Variants in DPYD observed in about 807,000 individuals in gnomAD.
DPYD encodes the protein dihydropyrimidine dehydrogenase.
Under a neutral mutation model 116.2 loss-of-function variants are expected in DPYD, and 109 were observed. The observed-to-expected ratio is 0.94, with a 90% CI of 0.80 to 1.10. DPYD has a LOEUF of 1.10. Ranked by LOEUF, DPYD falls within the 50% of genes least tolerant of loss-of-function variation. The pLI, the probability that DPYD is intolerant of heterozygous loss-of-function variation, is 0.00. For synonymous variants in DPYD, 440 were observed against 432.0 expected (o/e 1.02, Z -0.23); for missense variants, 1,302 against 1,254.5 (o/e 1.04, Z -0.57).
intron 8 of DPYD, among the ~76,000 whole-genome samples, chr1:97,625,183 A>G (rs1656857553): frequency 6.6e-6 from 1 of 152,092 alleles, no homozygotes; most frequent in African/African-American, 2.4e-5. Context: ...TGTACCACAT[A>G]CTATTTGCAA....
chr1:97,479,237 T>C (rs1262020267), intron 13 of DPYD, among the ~76,000 whole-genome samples: 1 of 152,218 alleles, frequency 6.6e-6, no homozygotes, highest in Admixed American at 6.5e-5. Context: ...GTTTTCGAAA[T>C]GCCACCTCCA....
chr1:97,444,139 C>A (rs972610605), intron 14 of DPYD, among the ~76,000 whole-genome samples: 3 of 152,184 alleles, frequency 2.0e-5, no homozygotes, highest in Admixed American at 2.0e-4. Flanking sequence ...CAAAACAATG[C>A]TTGGCTGATA....
At chr1:97,280,827 G>C (rs1665275177) in intron 18 of DPYD, among the ~76,000 whole-genome samples, 1 of 152,148 alleles carries the variant, frequency 6.6e-6, no homozygotes, top group Non-Finnish European at 1.5e-5. Flanking sequence ...TCATTACACA[G>C]TAGGGAGATT....
At chr1:97,724,893 T>C (rs769529872) in intron 4 of DPYD, among the ~76,000 whole-genome samples, 1 of 123,384 alleles carries the variant, frequency 8.1e-6, no homozygotes, top group Non-Finnish European at 1.6e-5. Flanking sequence ...AGTGACAGAG[T>C]GGGGAGGGAT....
intron 14 of DPYD, among the ~76,000 whole-genome samples, chr1:97,397,205 C>G (rs762288684): frequency 1.3e-4 from 19 of 151,996 alleles, no homozygotes; most frequent in Non-Finnish European, 2.8e-4. Context: ...ATGCAGGAAA[C>G]TACCATGACT....
intron 19 of DPYD, among the ~76,000 whole-genome samples, chr1:97,218,331 T>G (rs1243393944): frequency 6.6e-6 from 1 of 151,948 alleles, no homozygotes; most frequent in African/African-American, 2.4e-5. Context: ...ATGTACTGAT[T>G]TATGAAGAAA....
chr1:97,901,895 A>G (rs1029896190), intron 1 of DPYD, among the ~76,000 whole-genome samples: 9 of 151,858 alleles, frequency 5.9e-5, no homozygotes, highest in Non-Finnish European at 1.3e-4. Flanking sequence ...ATGTCAGGTA[A>G]TGCTACTTCC....
intron 8 of DPYD, among the ~76,000 whole-genome samples, chr1:97,613,771 C>T (rs1342985136): frequency 2.0e-5 from 3 of 151,906 alleles, no homozygotes; most frequent in African/African-American, 4.8e-5. Flanking sequence ...TATGTATTAG[C>T]AAACATCAAT....
chr1:97,308,791 T>C (rs1667310875), intron 16 of DPYD, among the ~76,000 whole-genome samples: 1 of 151,876 alleles, frequency 6.6e-6, no homozygotes, highest in Non-Finnish European at 1.5e-5. Flanking sequence ...TTGAAATAAA[T>C]AAGTTTTAGA....
chr1:97,529,323 G>A (rs1483843155), intron 12 of DPYD, among the ~76,000 whole-genome samples: 2 of 152,042 alleles, frequency 1.3e-5, no homozygotes, highest in East Asian at 1.9e-4. Context: ...TTCTGTCCAG[G>A]TGCTAGGAAC....
chr1:97,136,398 T>C (rs889747640), intron 20 of DPYD, among the ~76,000 whole-genome samples: 5 of 152,200 alleles, frequency 3.3e-5, no homozygotes, highest in Admixed American at 3.3e-4. Context: ...ATGAGAGGCA[T>C]GTCTCATGTT....
At chr1:97,181,717 T>C (rs1323338065) in intron 20 of DPYD, among the ~76,000 whole-genome samples, 1 of 152,194 alleles carries the variant, frequency 6.6e-6, no homozygotes, top group African/African-American at 2.4e-5. Flanking sequence ...TGTTTCTATC[T>C]ACCCCAATAT....
chr1:97,706,295 C>G (rs1661948922), intron 5 of DPYD, among the ~76,000 whole-genome samples: 1 of 152,000 alleles, frequency 6.6e-6, no homozygotes, highest in South Asian at 2.1e-4. Flanking sequence ...TGGTTTCCCA[C>G]CATGCTATCC....
chr1:97,679,288 T>G, intron 7 of DPYD, 106 bp from the exon 8 acceptor site: 1 of 615,264 alleles, frequency 1.6e-6, no homozygotes, highest in Non-Finnish European at 2.9e-6. Context: ...TTCTATGAGA[T>G]TCCATATAAA....
chr1:97,662,707 T>C (rs546994181), intron 8 of DPYD, among the ~76,000 whole-genome samples: 3 of 152,140 alleles, frequency 2.0e-5, no homozygotes, highest in African/African-American at 7.2e-5. Flanking sequence ...TTTGCCCTAT[T>C]ATCATGAAAA....
At chr1:97,308,493 G>A (rs1249284383) in intron 16 of DPYD, 1 of 151,754 alleles carries the variant, frequency 6.6e-6, no homozygotes, top group Non-Finnish European at 1.5e-5. Flanking sequence ...AAAAATTAAT[G>A]ATTGTTCTGT....
At chr1:97,311,403 T>A (rs929448805) in intron 16 of DPYD, among the ~76,000 whole-genome samples, 6 of 151,720 alleles carry the variant, frequency 4.0e-5, no homozygotes, top group Non-Finnish European at 7.4e-5. Flanking sequence ...GGCCAAAAAA[T>A]TTATGAAATG....
intron 20 of DPYD, among the ~76,000 whole-genome samples, chr1:97,130,084 G>A (rs748186555): frequency 3.3e-5 from 5 of 152,062 alleles, no homozygotes; most frequent in Admixed American, 1.3e-4. Context: ...GTCCACCACC[G>A]AGTCTTGAGC....
chr1:97,673,068 G>A (rs901916077), intron 8 of DPYD, among the ~76,000 whole-genome samples: 9 of 151,908 alleles, frequency 5.9e-5, no homozygotes, highest in South Asian at 2.1e-4. Flanking sequence ...TGTTGGCTTT[G>A]AGTCACAATT....
Sources: gnomAD v4.1 joint callset for allele counts (sites outside exome capture counted in the v4.1 genomes callset) on GRCh38, gnomAD v4.1.1 for gene constraint, MANE v1.5 for transcripts, NCBI Gene and HGNC (gene_info 2026-07-23, HGNC 2026-07-21) for gene names.